Variants in ZNF431 observed in about 807,000 individuals in gnomAD.
ZNF431 encodes the protein zinc finger protein 431.
In ZNF431, 34 loss-of-function variants were observed where a neutral mutation model predicts 57.0. The ratio of observed to expected loss-of-function variants is 0.60; its 90% CI spans 0.45 to 0.79. ZNF431 has a LOEUF of 0.79. Ranked by LOEUF, ZNF431 falls within the 30% of genes least tolerant of loss-of-function variation. ZNF431 has a pLI of 0.00. For synonymous variants in ZNF431, 207 were observed against 220.3 expected (o/e 0.94, Z 0.54); for missense variants, 607 against 667.1 (o/e 0.91, Z 0.99).
rs768198708 is a variant in ZNF431 at position 21,182,599 on chromosome 19, A to G, written c.320-24A>G. ...TTATCAGAGTCTAGTAAGTTGAATA[A>G]TTTGTTGTTTGTATTTCTTTCAGCT... On this transcript the variant is annotated intron_variant, in intron 4 of 4. Transcript: ENST00000311048. 4 of 1,564,570 alleles carry G rather than the reference A, an allele frequency of 2.6e-6. No homozygotes were observed. The South Asian group carries it at 4.9e-5, about 19-fold the overall frequency.
rs549897331 is a variant in ZNF431 at position 21,161,688 on chromosome 19, T to A, written c.97-4647T>A. Among the ~76,000 whole-genome samples, 32 of 152,280 alleles carry A rather than the reference T, an allele frequency of 2.1e-4. No individual in the cohort carries two copies. The East Asian group carries it at 2.3e-3, about 11-fold the overall frequency. On this transcript the variant is annotated intron_variant, in intron 2 of 4. Transcript: ENST00000311048. ...GTTTGTCTAAGATGGAGTTTTGCTC[T>A]TGTTGCGCAGGCTGGAGTGCAGTGG...
Position 21,184,381 on chromosome 19 carries a change from AGT to A in ZNF431, c.*351_*352del, listed in dbSNP as rs1422406493. On this transcript the variant is annotated 3_prime_UTR_variant, in exon 5 of 5. Transcript: ENST00000311048. ...ATTTATACTGTACAAAAACCCCACAAGTGTGAAAAACATGGCAAAGCCTTTAA... is the reference window on the plus strand; with the variant it reads ...ATTTATACTGTACAAAAACCCCACAAGTGAAAAACATGGCAAAGCCTTTAA... 1 of 171,102 alleles carries A rather than the reference AGT, an allele frequency of 5.8e-6. No homozygotes were observed. The highest frequency in any genetic ancestry group is 1.3e-5 in the Non-Finnish European group (1 of 79,898). The allele number at this position is 171,102 out of a possible 1,614,324, so 10.6% of individuals were successfully genotyped here. A position where few individuals can be genotyped will look rare whatever the true frequency, so the allele number is the denominator to read the frequency against.
At chr19:21,167,461 TG>T (rs763953027) in intron 3 of ZNF431, 109 bp from the exon 4 acceptor site, 19 of 809,084 alleles carry the variant, frequency 2.3e-5, no homozygotes, top group Non-Finnish European at 3.0e-5. Context: ...GCCCAGCCTT[TG>T]GATTAATTTT....
intron 2 of ZNF431, among the ~76,000 whole-genome samples, chr19:21,161,591 G>A (rs1970565735): frequency 6.6e-6 from 1 of 152,160 alleles, no homozygotes; most frequent in Non-Finnish European, 1.5e-5. Flanking sequence ...AAATACCCCA[G>A]TGGCATAGAG....
rs141416228 is a variant in ZNF431 at position 21,172,013 on chromosome 19, C to T, written c.319+4347C>T. ...GGGATTACAGGCATGAGCCACCGCACCTGGCCTGAATATATATTTTCTTTG... is the reference window on the plus strand; with the variant it reads ...GGGATTACAGGCATGAGCCACCGCATCTGGCCTGAATATATATTTTCTTTG... On this transcript the variant is annotated intron_variant, in intron 4 of 4. Transcript: ENST00000311048. 7.0e-3 allele frequency among the ~76,000 whole-genome samples: 1,063 copies of T among 151,718 alleles called. 6 individuals carry two copies. Among genetic ancestry groups the T allele is most frequent in the Middle Eastern group, 0.034 (10 of 294 alleles).
At chr19:21,162,144 TTGTGTGTGTG>T (rs749424799) in intron 2 of ZNF431, among the ~76,000 whole-genome samples, 17 of 66,176 alleles carry the variant, frequency 2.6e-4, no homozygotes, top group African/African-American at 5.5e-4. Context: ...ATCCAGCTAA[TTGTGTGTGTG>T]TGTGTGTGTG....
Position 21,170,003 on chromosome 19 carries a change from A to G in ZNF431, c.319+2337A>G, listed in dbSNP as rs183282410. ...GGATGGTTACAGAGTTAATTTCAGA[A>G]TTCTCTGTTGGACCAAGTTGGGTGG... On this transcript the variant is annotated intron_variant, in intron 4 of 4. Transcript: ENST00000311048. 1,046 of 395,158 alleles carry G rather than the reference A, an allele frequency of 2.6e-3. 4 individuals are homozygous for G. Among genetic ancestry groups the G allele is most frequent in the Admixed American group, 4.5e-3 (101 of 22,652 alleles). 24.5% of individuals were successfully genotyped at this position (395,158 alleles called of 1,614,324 possible). A position where few individuals can be genotyped will look rare whatever the true frequency, so the allele number is the denominator to read the frequency against.
At position 21,194,099 on chromosome 19, in the gene ZNF431, C is replaced by T. The variant is rs1002521188; in HGVS notation, c.*10065C>T. Reference sequence around the variant, plus strand: ...CCTTCACTCATGATATAATTCTCTACCTAGAAAACTTTAAGGATTTTACCA... The same window carrying T: ...CCTTCACTCATGATATAATTCTCTATCTAGAAAACTTTAAGGATTTTACCA... On this transcript the variant is annotated 3_prime_UTR_variant, in exon 5 of 5. Coordinates refer to ENST00000311048, the MANE Select transcript of ZNF431 (RefSeq NM_133473.4). 6.6e-6 allele frequency: 1 copy of T among 152,110 alleles called. No individual in the cohort carries two copies. The highest frequency in any genetic ancestry group is 1.9e-4 in the East Asian group (1 of 5,182). The allele number at this position is 152,110 out of a possible 1,614,324, so 9.4% of individuals were successfully genotyped here.
chr19:21,161,339 T>C (rs577527726), intron 2 of ZNF431, among the ~76,000 whole-genome samples: 3 of 152,286 alleles, frequency 2.0e-5, no homozygotes, highest in Non-Finnish European at 2.9e-5. Context: ...TTTTGTATTG[T>C]TGTGACTTCT....
chr19:21,165,117 C>T (rs1161283741), intron 2 of ZNF431, among the ~76,000 whole-genome samples: 1 of 150,416 alleles, frequency 6.6e-6, no homozygotes, highest in Non-Finnish European at 1.5e-5. Flanking sequence ...AAATGTTTTC[C>T]TATGCACCAG....
At position 21,162,724 on chromosome 19, in the gene ZNF431, G is replaced by C. The variant is rs887141473; in HGVS notation, c.97-3611G>C. On this transcript the variant is annotated intron_variant, in intron 2 of 4. Coordinates refer to ENST00000311048, the MANE Select transcript of ZNF431 (RefSeq NM_133473.4). Reference sequence around the variant, plus strand: ...TGAATCCTGCTGCCTTTCTAGAGCTGGTGCTCAAAATTTCAGAAACCCAAA... The same window carrying C: ...TGAATCCTGCTGCCTTTCTAGAGCTCGTGCTCAAAATTTCAGAAACCCAAA... 11 of 985,178 alleles carry C rather than the reference G, an allele frequency of 1.1e-5. No homozygotes were observed. In the African/African-American group the frequency reaches 1.9e-4, roughly 17 times the overall value. The allele number at this position is 985,178 out of a possible 1,614,324, so 61.0% of individuals were successfully genotyped here.
chr19:21,168,508 A>C (rs1409293881), intron 4 of ZNF431, among the ~76,000 whole-genome samples: 2 of 152,050 alleles, frequency 1.3e-5, no homozygotes, highest in Non-Finnish European at 2.9e-5. Flanking sequence ...CTGGGACTAC[A>C]GGCATGTGCC....
chr19:21,194,315 C>T lies in ZNF431; in HGVS notation c.*10281C>T, dbSNP rs1055617620. On this transcript the variant is annotated 3_prime_UTR_variant, in exon 5 of 5. Coordinates refer to ENST00000311048, the MANE Select transcript of ZNF431 (RefSeq NM_133473.4). ...ACATCAAACCAGGGAGGTAAAATAT[C>T]TCTACAAGAACTAGAAAACATTACT... is the stretch of plus-strand genomic sequence containing the variant. The T allele has an allele frequency of 2.6e-5, 4 of 152,106 alleles. No individual in the cohort carries two copies. Among genetic ancestry groups the T allele is most frequent in the African/African-American group, 9.7e-5 (4 of 41,414 alleles). 9.4% of individuals were successfully genotyped at this position (152,106 alleles called of 1,614,324 possible).
chr19:21,143,634 T>C lies in ZNF431; in HGVS notation c.87T>C (p.Tyr29=). 1 of 1,613,440 alleles carries C rather than the reference T, an allele frequency of 6.2e-7. No homozygotes were observed. Among genetic ancestry groups the C allele is most frequent in the Non-Finnish European group, 8.5e-7 (1 of 1,179,406 alleles). The stretch of plus-strand genomic sequence containing the variant: ...AGAGGAATCTTCTAGTTTACTCTTA[T>C]TTTGAAAAGGTAACCTCTTGAGACA... The part of the protein sequence containing the change: ...GAERNLLVYS[Y]FEKETLTFRD... The change falls in exon 2 of 5, where the codon TAT becomes TAC. Residue 29 remains tyrosine (Y), a synonymous_variant. Coordinates refer to ENST00000311048, the MANE Select transcript of ZNF431 (RefSeq NM_133473.4).
At chr19:21,143,511 G>A (rs766490445) in intron 1 of ZNF431, 40 bp from the exon 2 acceptor site, 13 of 1,497,000 alleles carry the variant, frequency 8.7e-6, no homozygotes, top group Middle Eastern at 1.7e-4. Flanking sequence ...CAGCTAAAGT[G>A]CCTAGTGAAT....
At chr19:21,161,445 A>T (rs1400683811) in intron 2 of ZNF431, among the ~76,000 whole-genome samples, 1 of 152,152 alleles carries the variant, frequency 6.6e-6, no homozygotes, top group Non-Finnish European at 1.5e-5. Flanking sequence ...ATCTGATAAA[A>T]TTATCCTAGA....
intron 4 of ZNF431, among the ~76,000 whole-genome samples, chr19:21,176,407 A>T (rs1420989028): frequency 2.0e-5 from 3 of 150,944 alleles, no homozygotes; most frequent in Admixed American, 6.6e-5. Flanking sequence ...TGCCTGGCTA[A>T]TTTTTTGTAT....
rs76734149 is a variant in ZNF431, at chr19:21,150,497, C to T, written c.96+6854C>T. 927 of 189,294 alleles carry T rather than the reference C, an allele frequency of 4.9e-3. 9 individuals are homozygous for T. The highest frequency in any genetic ancestry group is 0.021 in the African/African-American group (885 of 42,116). The allele number at this position is 189,294 out of a possible 1,614,324, so 11.7% of individuals were successfully genotyped here. ...TTCTTAACTGGATTACTAGTTTCAG[C>T]GTGGAGCCCAGGGCCAGGAAAGCAT... On this transcript the variant is annotated intron_variant, in intron 2 of 4. Coordinates refer to ENST00000311048, the MANE Select transcript of ZNF431 (RefSeq NM_133473.4).
chr19:21,154,829 T>C (rs528837397), intron 2 of ZNF431, among the ~76,000 whole-genome samples: 2 of 152,350 alleles, frequency 1.3e-5, no homozygotes, highest in East Asian at 3.9e-4. Context: ...TTTTGAGAAG[T>C]GTCTGTTCAT....
Sources: gnomAD v4.1 joint callset for allele counts (sites outside exome capture counted in the v4.1 genomes callset) on GRCh38, gnomAD v4.1.1 for gene constraint, MANE v1.5 for transcripts, NCBI Gene and HGNC (gene_info 2026-07-23, HGNC 2026-07-21) for gene names.